Variants in ACO1 observed in about 807,000 individuals in gnomAD.
ACO1 encodes the protein cytoplasmic aconitate hydratase.
In ACO1, 78 loss-of-function variants were observed where a neutral mutation model predicts 105.1. That is an observed-to-expected ratio of 0.74 (90% CI 0.62 to 0.90). ACO1 has a LOEUF of 0.90. Among genes scored for constraint, ACO1 ranks in the 40% least tolerant of loss-of-function variants. The pLI is 0.00. For synonymous variants in ACO1, 364 were observed against 397.4 expected (o/e 0.92, Z 1.00); for missense variants, 965 against 1,111.1 (o/e 0.87, Z 1.87).
intron 8 of ACO1, among the ~76,000 whole-genome samples, chr9:32,421,623 G>C (rs772821778): frequency 2.2e-4 from 34 of 152,182 alleles, no homozygotes; most frequent in Non-Finnish European, 4.7e-4. Context: ...AAGGCAGGCA[G>C]ATCTGACCTG....
rs774192274 is a variant in ACO1 at position 32,440,559 on chromosome 9, A to T, written c.2342A>T (p.Asp781Val). 2 of 1,613,902 alleles carry T rather than the reference A, an allele frequency of 1.2e-6. No individual in the cohort carries two copies. The highest frequency in any genetic ancestry group is 3.3e-5 in the Admixed American group (2 of 60,000). The change falls in exon 19 of 21, where the codon GAC becomes GTC. Residue 781 changes from aspartate to valine, a missense_variant. By Grantham distance (152) the Asp-to-Val change is radical (BLOSUM62 -3). Transcript: ENST00000309951. Reference protein sequence around the residue: ...GKEYGAGSSRDWAAKGPFLLG... With the variant: ...GKEYGAGSSRVWAAKGPFLLG... ...GAGTACGGTGCAGGCAGCTCCCGAG[A>T]CTGGGCAGCTAAGGGCCCTTTCCTG...
intron 18 of ACO1, among the ~76,000 whole-genome samples, chr9:32,436,812 G>A (rs1051795613): frequency 1.3e-5 from 2 of 152,160 alleles, no homozygotes; most frequent in Non-Finnish European, 2.9e-5. Flanking sequence ...GGTTCTAATG[G>A]GAGCACTGTG....
intron 11 of ACO1, 50 bp from the exon 12 acceptor site, chr9:32,427,251 A>C: frequency 6.3e-7 from 1 of 1,581,728 alleles, no homozygotes; most frequent in Non-Finnish European, 8.7e-7. Context: ...TGTGCCTGGC[A>C]CCTAGAGCAG....
intron 3 of ACO1, among the ~76,000 whole-genome samples, chr9:32,407,737 G>A (rs1173549034): frequency 2.0e-5 from 3 of 152,108 alleles, no homozygotes; most frequent in Non-Finnish European, 4.4e-5. Flanking sequence ...GAAATAGCAT[G>A]GAATAGAGCC....
At chr9:32,392,910 T>G (rs534354421) in intron 1 of ACO1, among the ~76,000 whole-genome samples, 2 of 152,362 alleles carry the variant, frequency 1.3e-5, no homozygotes, top group East Asian at 3.9e-4. Context: ...GGGACACTTA[T>G]CACTTCCCCA....
intron 2 of ACO1, 44 bp from the exon 3 acceptor site, chr9:32,407,217 G>A (rs749896880): frequency 1.9e-5 from 30 of 1,597,182 alleles, no homozygotes; most frequent in Non-Finnish European, 2.4e-5. Context: ...GCGCTCTTAA[G>A]TTGTCTCACA....
chr9:32,403,780 G>A lies in ACO1; in HGVS notation c.-22-1705G>A, dbSNP rs139565970. ...TGAATGACCCATCTTGCTCAGTCCCGTGAGCGTTTCCCACCACTTCCCCTG... is the reference window on the plus strand; with the variant it reads ...TGAATGACCCATCTTGCTCAGTCCCATGAGCGTTTCCCACCACTTCCCCTG... On this transcript the variant is annotated intron_variant, in intron 1 of 20. Coordinates refer to ENST00000309951, the MANE Select transcript of ACO1 (RefSeq NM_002197.3). Among the ~76,000 whole-genome samples the A allele has an allele frequency of 5.3e-3, 804 of 152,254 alleles. 4 individuals are homozygous for A. The highest frequency in any genetic ancestry group is 0.024 in the South Asian group (117 of 4,816).
intron 19 of ACO1, among the ~76,000 whole-genome samples, chr9:32,446,723 C>T (rs903354232): frequency 9.9e-5 from 15 of 152,160 alleles, no homozygotes; most frequent in African/African-American, 3.4e-4. Flanking sequence ...TGACTGGTAT[C>T]GGTTTTTCCT....
intron 11 of ACO1, 61 bp downstream of exon 11, chr9:32,426,058 A>T (rs1361175504): frequency 1.3e-6 from 2 of 1,568,876 alleles, no homozygotes; most frequent in Non-Finnish European, 1.7e-6. Flanking sequence ...ATAGCCCGAG[A>T]CAGGGCCCAG....
chr9:32,397,358 G>T (rs1479683397), intron 1 of ACO1, among the ~76,000 whole-genome samples: 1 of 152,174 alleles, frequency 6.6e-6, no homozygotes, highest in African/African-American at 2.4e-5. Context: ...ACAGCTAAAA[G>T]AATTGAAGAG....
intron 1 of ACO1, among the ~76,000 whole-genome samples, chr9:32,398,004 AAAAC>A (rs1011639646): frequency 1.1e-4 from 16 of 152,220 alleles, no homozygotes; most frequent in Non-Finnish European, 1.3e-4. Context: ...ATGTACCCCC[AAAAC>A]AAACAAACAA....
At chr9:32,421,094 C>T (rs1563938409) in intron 8 of ACO1, 67 bp downstream of exon 8, 4 of 1,532,306 alleles carry the variant, frequency 2.6e-6, no homozygotes, top group African/African-American at 2.7e-5. Flanking sequence ...AGAATCTGAG[C>T]ACTGCCTTCT....
chr9:32,422,886 G>A (rs1017055951), intron 8 of ACO1, among the ~76,000 whole-genome samples: 4 of 152,220 alleles, frequency 2.6e-5, no homozygotes, highest in Non-Finnish European at 4.4e-5. Flanking sequence ...GTGCTCAGTA[G>A]CCAGTGGTTT....
chr9:32,434,638 A>G lies in ACO1; in HGVS notation c.2036A>G (p.His679Arg), dbSNP rs1245832258. ...LNLGDSVTTD[H>R]ISPAGNIARN... ...TTGGGAGATTCGGTAACAACTGACC[A>G]CATCTCCCCAGCTGGAAATATTGCA... The change falls in exon 17 of 21, where the codon CAC becomes CGC. Residue 679 changes from histidine to arginine, a missense_variant. By Grantham distance (29) the His-to-Arg change is conservative. Transcript: ENST00000309951. 6.2e-7 allele frequency: 1 copy of G among 1,614,134 alleles called. No individual in the cohort carries two copies. Among genetic ancestry groups the G allele is most frequent in the East Asian group, 2.2e-5 (1 of 44,874 alleles).
chr9:32,435,640 C>T (rs1300675659), intron 17 of ACO1, among the ~76,000 whole-genome samples: 2 of 152,138 alleles, frequency 1.3e-5, no homozygotes, highest in Non-Finnish European at 2.9e-5. Context: ...TTCACTGAGG[C>T]CCCACAGACA....
Position 32,407,406 on chromosome 9 carries a change from TCGTGTC to T in ACO1, c.244_249del (p.Arg82_Val83del), listed in dbSNP as rs776283404. Reference sequence around the variant, plus strand: ...ACATAGAAGTGCCATTTAAGCCTGCTCGTGTCATCCTGCAGGACTTTACGTGAGCCT... The same window carrying T: ...ACATAGAAGTGCCATTTAAGCCTGCTATCCTGCAGGACTTTACGTGAGCCT... On this transcript the variant is annotated inframe_deletion, in exon 3 of 21. Coordinates refer to ENST00000309951, the MANE Select transcript of ACO1 (RefSeq NM_002197.3). The T allele has an allele frequency of 6.2e-7, 1 of 1,614,088 alleles. No homozygotes were observed. Among genetic ancestry groups the T allele is most frequent in the Non-Finnish European group, 8.5e-7 (1 of 1,179,932 alleles).
rs573218590 is a variant in ACO1, at chr9:32,397,005, A to G, written c.-22-8480A>G. Among the ~76,000 whole-genome samples, 7 of 152,242 alleles carry G rather than the reference A, an allele frequency of 4.6e-5. No individual in the cohort carries two copies. The South Asian group carries it at 1.0e-3, about 23-fold the overall frequency. On this transcript the variant is annotated intron_variant, in intron 1 of 20. Coordinates refer to ENST00000309951, the MANE Select transcript of ACO1 (RefSeq NM_002197.3). ...TTTTTTTTAAAATCTTGACATATAT[A>G]TAGCACATTCTGGTCAGTTATCCAG...
intron 1 of ACO1, among the ~76,000 whole-genome samples, chr9:32,397,692 T>C (rs967971645): frequency 3.3e-5 from 5 of 152,216 alleles, no homozygotes; most frequent in Non-Finnish European, 5.9e-5. Flanking sequence ...TGAGCTGCAG[T>C]GAACCTCAGA....
rs1028590923 is a variant in ACO1, at chr9:32,429,079, T to C, written c.1485-340T>C. 3.9e-5 allele frequency among the ~76,000 whole-genome samples: 6 copies of C among 152,234 alleles called. No homozygotes were observed. The South Asian group carries it at 8.3e-4, about 21-fold the overall frequency. Reference sequence around the variant, plus strand: ...CAATTTCCATATTATTCCTGACTTATGACATATATTTTATTCATGTGCCTC... The same window carrying C: ...CAATTTCCATATTATTCCTGACTTACGACATATATTTTATTCATGTGCCTC... On this transcript the variant is annotated intron_variant, in intron 12 of 20. Transcript: ENST00000309951.
Sources: gnomAD v4.1 joint callset for allele counts (sites outside exome capture counted in the v4.1 genomes callset) on GRCh38, gnomAD v4.1.1 for gene constraint, MANE v1.5 for transcripts, NCBI Gene and HGNC (gene_info 2026-07-23, HGNC 2026-07-21) for gene names.